The following OGDH variants were observed in gnomAD, a reference collection of about 807,000 sequenced individuals.
OGDH encodes the protein 2-oxoglutarate dehydrogenase complex component E1.
OGDH carries 38 observed loss-of-function variants against 116.6 expected under a neutral mutation model. The ratio of observed to expected loss-of-function variants is 0.33; its 90% CI spans 0.25 to 0.43. The LOEUF (loss-of-function observed/expected upper bound fraction) is 0.43, where lower values mean the gene tolerates loss of function less well. Ranked by LOEUF, OGDH falls within the 20% of genes least tolerant of loss-of-function variation. The pLI is 1.00. For missense variants in OGDH, 825 were observed against 1,357.2 expected, an observed-to-expected ratio of 0.61 and a Z score of 6.16; for synonymous variants, 488 against 533.3, an observed-to-expected ratio of 0.92 and a Z score of 1.17.
Position 44,673,746 on chromosome 7 carries a change from G to A in OGDH, c.634-41G>A, listed in dbSNP as rs1361241307. 3.7e-6 allele frequency: 6 copies of A among 1,607,290 alleles called. No individual in the cohort carries two copies. In the South Asian group the frequency reaches 4.4e-5, roughly 12 times the overall value. On this transcript the variant is annotated intron_variant, in intron 5 of 22. Coordinates refer to ENST00000222673, the MANE Select transcript of OGDH (RefSeq NM_002541.4). Reference sequence around the variant, plus strand: ...CGGCAGTCTTCATTCAGCCAGGCCTGGTTAGAAATCCCCTTGACTGTGTGT... The same window carrying A: ...CGGCAGTCTTCATTCAGCCAGGCCTAGTTAGAAATCCCCTTGACTGTGTGT...
At chr7:44,647,349 C>T in intron 3 of OGDH, 1 of 777,392 alleles carries the variant, frequency 1.3e-6, no homozygotes, top group Non-Finnish European at 2.1e-6. Flanking sequence ...TGCTGTGTTC[C>T]TCTTTGGAAA....
chr7:44,677,914 C>A (rs543988015), intron 9 of OGDH, among the ~76,000 whole-genome samples: 1 of 151,400 alleles, frequency 6.6e-6, no homozygotes, highest in South Asian at 2.1e-4. Context: ...CCAATTATTA[C>A]TTTACCAGGC....
chr7:44,677,266 G>A (rs759330429), intron 9 of OGDH, among the ~76,000 whole-genome samples: 2 of 152,152 alleles, frequency 1.3e-5, no homozygotes, highest in Admixed American at 6.5e-5. Context: ...AAAAAAGGTC[G>A]TGTGTAAAGA....
intron 9 of OGDH, among the ~76,000 whole-genome samples, chr7:44,680,049 A>G (rs759726144): frequency 1.2e-4 from 18 of 152,130 alleles, no homozygotes; most frequent in Non-Finnish European, 2.4e-4. Context: ...CGTGTCTACA[A>G]AAAAATGCCA....
intron 4 of OGDH, among the ~76,000 whole-genome samples, chr7:44,656,609 G>A (rs776302871): frequency 3.9e-5 from 6 of 151,942 alleles, no homozygotes; most frequent in African/African-American, 7.3e-5. Flanking sequence ...TCATCTTCAC[G>A]TGTGCTTCAT....
At chr7:44,648,646 TACAG>T (rs34663289) in intron 4 of OGDH, among the ~76,000 whole-genome samples, 10,277 of 152,210 alleles carry the variant, frequency 0.068, 1,102 homozygotes, top group African/African-American at 0.23. Context: ...TGGGGAATGG[TACAG>T]ACAGTCTCTA....
At chr7:44,609,339 CAAAAAAAA>C (rs1185554089) in intron 1 of OGDH, among the ~76,000 whole-genome samples, 12 of 81,616 alleles carry the variant, frequency 1.5e-4, no homozygotes, top group African/African-American at 3.5e-4. Context: ...CTCGTCTCTA[CAAAAAAAA>C]AAAAAAAAAA....
chr7:44,639,223 G>GT (rs1198360878), intron 2 of OGDH, among the ~76,000 whole-genome samples: 1 of 152,186 alleles, frequency 6.6e-6, no homozygotes, highest in Non-Finnish European at 1.5e-5. Context: ...GGGGTGGGTA[G>GT]TTTAAGGAGC....
At chr7:44,660,639 T>C (rs1472583634) in intron 4 of OGDH, among the ~76,000 whole-genome samples, 2 of 152,108 alleles carry the variant, frequency 1.3e-5, no homozygotes, top group African/African-American at 2.4e-5. Context: ...TCTCTAAATG[T>C]CTGCTAGAGC....
intron 19 of OGDH, among the ~76,000 whole-genome samples, chr7:44,701,124 C>T (rs567670477): frequency 6.6e-6 from 1 of 152,302 alleles, no homozygotes; most frequent in South Asian, 2.1e-4. Context: ...GCTTGCAGCT[C>T]GGAGTGTCCC....
At chr7:44,698,322 G>A in intron 18 of OGDH, 59 bp downstream of exon 18, 3 of 1,552,944 alleles carry the variant, frequency 1.9e-6, no homozygotes, top group Non-Finnish European at 2.7e-6. Flanking sequence ...GGGAAACCTG[G>A]GGAAGAGCAA....
At chr7:44,696,347 C>T in intron 13 of OGDH, 82 bp from the exon 14 acceptor site, 3 of 1,531,092 alleles carry the variant, frequency 2.0e-6, no homozygotes, top group Non-Finnish European at 2.7e-6. Context: ...CCCTGCTTCT[C>T]CCCAAAATCA....
chr7:44,640,306 GTGTAAAT>G (rs538377592), intron 2 of OGDH, among the ~76,000 whole-genome samples: 87 of 152,152 alleles, frequency 5.7e-4, no homozygotes, highest in Non-Finnish European at 1.1e-3. Context: ...TGACTGCTGT[GTGTAAAT>G]TCTGCCTGAG....
Position 44,696,016 on chromosome 7 carries a change from AC to A in OGDH, c.1669-6del. 1 of 1,536,990 alleles carries A rather than the reference AC, an allele frequency of 6.5e-7. No individual in the cohort carries two copies. The highest frequency in any genetic ancestry group is 9.0e-7 in the Non-Finnish European group (1 of 1,110,286). On this transcript the variant is annotated splice_polypyrimidine_tract_variant and splice_region_variant and intron_variant, in intron 12 of 22. Transcript: ENST00000222673. The stretch of plus-strand genomic sequence containing the variant: ...TGCCAGTCACGCTGTGTTGTGCCCA[AC>A]CCTCCAGGAGGAAATTTCCAAGTAT...
chr7:44,658,850 T>A (rs190173957), intron 4 of OGDH, among the ~76,000 whole-genome samples: 16 of 152,228 alleles, frequency 1.1e-4, no homozygotes, highest in Admixed American at 3.3e-4. Flanking sequence ...TATTATTATT[T>A]TTTGAGACTG....
At chr7:44,633,252 C>CAAAA (rs1163808681) in intron 2 of OGDH, among the ~76,000 whole-genome samples, 31 of 81,648 alleles carry the variant, frequency 3.8e-4, no homozygotes, top group African/African-American at 8.0e-4. Context: ...GACTCTGTGT[C>CAAAA]AAAAAAAAAA....
rs1402115636 is a variant in OGDH at position 44,707,303 on chromosome 7, G to C, written c.2711G>C (p.Cys904Ser). Residue 904 changes from cysteine (C) to serine (S), a missense_variant, in exon 21 of 23, where the codon TGC (cysteine) becomes TCC (serine). This residue lies in a region of OGDH where 212 missense variants were observed against 284.3 expected (regional missense o/e 0.75). Transcript: ENST00000222673. This position sits in a 1 kb window ranked among gnomAD's most constrained non-coding sequence, Gnocchi z 5.2. Reference sequence around the variant, plus strand: ...GAAAATGTCAAAAGGCTTCTCTTCTGCACCGGCAAAGTGTATTATGACCTC... The same window carrying C: ...GAAAATGTCAAAAGGCTTCTCTTCTCCACCGGCAAAGTGTATTATGACCTC... ...NPENVKRLLF[C>S]TGKVYYDLTR... 2 of 1,614,278 alleles carry C rather than the reference G, an allele frequency of 1.2e-6. No homozygotes were observed. The highest frequency in any genetic ancestry group is 2.7e-5 in the African/African-American group (2 of 75,078).
At chr7:44,632,234 A>T (rs888239955) in intron 2 of OGDH, among the ~76,000 whole-genome samples, 3 of 152,164 alleles carry the variant, frequency 2.0e-5, no homozygotes, top group African/African-American at 4.8e-5. Flanking sequence ...GACAGCAGGC[A>T]TACGAGGTCA....
rs1277861993 is a variant in OGDH at position 44,634,245 on chromosome 7, T to C, written c.222+9680T>C. 2.6e-5 allele frequency among the ~76,000 whole-genome samples: 4 copies of C among 152,230 alleles called. No homozygotes were observed. In the East Asian group the frequency reaches 7.7e-4, roughly 29 times the overall value. On this transcript the variant is annotated intron_variant, in intron 2 of 22. Transcript: ENST00000222673. The stretch of plus-strand genomic sequence containing the variant: ...AGCTCCAGACAGGGAAAAGAAAGGC[T>C]GTGGGGCCTTTGAGGCCTAGGTCCA...
Sources: allele counts gnomAD v4.1 joint callset (sites outside exome capture counted in the v4.1 genomes callset), GRCh38; gene constraint gnomAD v4.1.1; regional missense constraint gnomAD v4.1.1; non-coding constraint Gnocchi (gnomAD v3.1); transcripts MANE v1.5; gene names NCBI Gene and HGNC (gene_info 2026-07-23, HGNC 2026-07-21).